Variants in LPAR1 observed in about 807,000 individuals in gnomAD.
LPAR1 encodes LPA receptor 1.
LPAR1 carries 5 observed loss-of-function variants against 23.8 expected under a neutral mutation model. The observed-to-expected ratio is 0.21, with a 90% confidence interval of 0.11 to 0.44. The LOEUF is 0.44. LPAR1 is among the 20% of genes least tolerant of loss of function. LPAR1 has a pLI of 0.99. For missense variants in LPAR1, 311 were observed against 482.8 expected (o/e 0.64, Z 3.33); for synonymous variants, 160 against 164.7 (o/e 0.97, Z 0.22).
intron 2 of LPAR1, among the ~76,000 whole-genome samples, chr9:111,015,606 C>T (rs1276838046): frequency 6.6e-6 from 1 of 152,088 alleles, no homozygotes; most frequent in Non-Finnish European, 1.5e-5. Flanking sequence ...AAGTTTCAGA[C>T]AGACAAGAGG....
intron 5 of LPAR1, among the ~76,000 whole-genome samples, chr9:110,913,243 G>A (rs923762814): frequency 2.6e-5 from 4 of 152,254 alleles, no homozygotes; most frequent in Admixed American, 6.5e-5. Context: ...TAACTGAGGC[G>A]TTGAGCTGTC....
chr9:110,875,105 C>T lies in LPAR1; in HGVS notation c.*316G>A, dbSNP rs1398262158. 6 of 207,082 alleles carry T rather than the reference C, an allele frequency of 2.9e-5. No individual in the cohort carries two copies. Among genetic ancestry groups the T allele is most frequent in the African/African-American group, 1.4e-4 (6 of 43,602 alleles). The allele number at this position is 207,082 out of a possible 1,614,324, so 12.8% of individuals were successfully genotyped here. A position where few individuals can be genotyped will look rare whatever the true frequency, so the allele number is the denominator to read the frequency against. ...ATTTATTCTGACTTGCACCAAACCACACAAAATCTTTTAAAAGTCTAGTTA... is the reference window on the plus strand; with the variant it reads ...ATTTATTCTGACTTGCACCAAACCATACAAAATCTTTTAAAAGTCTAGTTA... On this transcript the variant is annotated 3_prime_UTR_variant, in exon 6 of 6. Transcript: ENST00000683809.
intron 2 of LPAR1, among the ~76,000 whole-genome samples, chr9:111,025,948 A>T (rs1321732206): frequency 6.6e-6 from 1 of 152,108 alleles, no homozygotes; most frequent in Non-Finnish European, 1.5e-5. Flanking sequence ...GTATAGTTTG[A>T]AGTCAGGTAG....
chr9:110,986,409 G>A (rs1024984899), intron 2 of LPAR1, among the ~76,000 whole-genome samples: 3 of 151,968 alleles, frequency 2.0e-5, no homozygotes, highest in African/African-American at 4.8e-5. Flanking sequence ...TTTCTAACAT[G>A]AGAAGTAATT....
chr9:110,927,110 G>A (rs1372437975), intron 5 of LPAR1, among the ~76,000 whole-genome samples: 1 of 152,214 alleles, frequency 6.6e-6, no homozygotes, highest in Non-Finnish European at 1.5e-5. Context: ...AGATAAAGAA[G>A]TTGTCGTAAA....
intron 4 of LPAR1, among the ~76,000 whole-genome samples, chr9:110,956,641 T>C (rs977353820): frequency 6.7e-5 from 10 of 150,348 alleles, no homozygotes; most frequent in Non-Finnish European, 1.3e-4. Flanking sequence ...ATACAAAAGA[T>C]CATCAGACTA....
intron 5 of LPAR1, among the ~76,000 whole-genome samples, chr9:110,893,026 A>C (rs1296941788): frequency 2.6e-5 from 4 of 152,330 alleles, no homozygotes; most frequent in Admixed American, 6.5e-5. Context: ...TCAGAACTAA[A>C]GCTCATCAGT....
chr9:110,955,417 C>T (rs547582180), intron 4 of LPAR1, among the ~76,000 whole-genome samples: 1 of 152,060 alleles, frequency 6.6e-6, no homozygotes, highest in East Asian at 1.9e-4. Flanking sequence ...AACACAGAAA[C>T]AACTAGATGT....
chr9:111,036,242 T>C (rs986577864), intron 1 of LPAR1, 41 bp from the exon 2 acceptor site: 6 of 152,254 alleles, frequency 3.9e-5, no homozygotes, highest in African/African-American at 9.6e-5. Flanking sequence ...TGATGCCTAG[T>C]AGAAGTCAGA....
chr9:110,943,023 T>C (rs1049267684), intron 4 of LPAR1, among the ~76,000 whole-genome samples: 4 of 149,744 alleles, frequency 2.7e-5, no homozygotes, highest in African/African-American at 7.3e-5. Flanking sequence ...ACAATATTTA[T>C]AATAATCACT....
chr9:111,030,352 A>G (rs1018028561), intron 2 of LPAR1, among the ~76,000 whole-genome samples: 10 of 152,220 alleles, frequency 6.6e-5, no homozygotes, highest in Non-Finnish European at 1.5e-4. Flanking sequence ...AAGAAGGCAA[A>G]GCATCCCCTT....
intron 2 of LPAR1, among the ~76,000 whole-genome samples, chr9:111,016,558 T>TC (rs1442327581): frequency 2.7e-4 from 41 of 152,328 alleles, no homozygotes; most frequent in African/African-American, 9.6e-4. Context: ...AAATCCGTGC[T>TC]CATAGGCTGA....
At chr9:110,976,825 T>C (rs1008692132) in intron 2 of LPAR1, among the ~76,000 whole-genome samples, 1 of 152,210 alleles carries the variant, frequency 6.6e-6, no homozygotes, top group Admixed American at 6.5e-5. Context: ...CTTTGTCATC[T>C]ATTTATTTAT....
At chr9:110,900,381 T>C (rs551812843) in intron 5 of LPAR1, among the ~76,000 whole-genome samples, 1 of 152,334 alleles carries the variant, frequency 6.6e-6, no homozygotes, top group East Asian at 1.9e-4. Context: ...GGGATAAGGA[T>C]GTGAGCATCT....
intron 2 of LPAR1, among the ~76,000 whole-genome samples, chr9:110,975,091 C>A (rs2096527300): frequency 6.6e-6 from 1 of 152,058 alleles, no homozygotes. Flanking sequence ...AGCAAAAAAT[C>A]AAGCACATAA....
intron 4 of LPAR1, among the ~76,000 whole-genome samples, chr9:110,959,170 C>CAA (rs1186318362): frequency 6.2e-5 from 5 of 81,156 alleles, no homozygotes; most frequent in Non-Finnish European, 6.8e-5. Flanking sequence ...GATGTCTCTA[C>CAA]AAAAAAAAAA....
chr9:110,933,778 CA>C (rs1208478712), intron 5 of LPAR1, among the ~76,000 whole-genome samples: 1 of 152,210 alleles, frequency 6.6e-6, no homozygotes, highest in East Asian at 1.9e-4. Flanking sequence ...TCACTCTCAA[CA>C]GACCTAAAAT....
chr9:110,927,360 C>A (rs1198812295), intron 5 of LPAR1, among the ~76,000 whole-genome samples: 1 of 151,968 alleles, frequency 6.6e-6, no homozygotes, highest in Admixed American at 6.6e-5. Flanking sequence ...TGATCCTCAC[C>A]AAAATATATT....
chr9:111,023,684 C>A (rs900919583), intron 2 of LPAR1, among the ~76,000 whole-genome samples: 1 of 152,090 alleles, frequency 6.6e-6, no homozygotes, highest in Non-Finnish European at 1.5e-5. Context: ...TTAGACAGCA[C>A]AGCAACAGAC....
Sources: allele counts gnomAD v4.1 joint callset (sites outside exome capture counted in the v4.1 genomes callset), GRCh38; gene constraint gnomAD v4.1.1; transcripts MANE v1.5; gene names NCBI Gene and HGNC (gene_info 2026-07-23, HGNC 2026-07-21).